Variants in BDNF observed in about 807,000 individuals in gnomAD.
The protein encoded by BDNF is neurotrophic factor BDNF precursor form.
BDNF carries 1 observed loss-of-function variant against 19.5 expected under a neutral mutation model. The ratio of observed to expected loss-of-function variants is 0.05; its 90% confidence interval spans 0.02 to 0.24. BDNF has a LOEUF of 0.24. BDNF is among the 10% of genes least tolerant of loss of function. The pLI is 1.00. For missense variants in BDNF, 195 were observed against 317.6 expected (o/e 0.61, Z 2.93); for synonymous variants, 100 against 121.6 (o/e 0.82, Z 1.17).
intron 1 of BDNF, among the ~76,000 whole-genome samples, chr11:27,692,469 G>T (rs559693172): frequency 6.6e-6 from 1 of 152,080 alleles, no homozygotes; most frequent in African/African-American, 2.4e-5. Flanking sequence ...AGCCTCCCAA[G>T]TAGCTGGGAC....
intron 1 of BDNF, among the ~76,000 whole-genome samples, chr11:27,679,207 C>T (rs147506865): frequency 7.9e-5 from 12 of 152,248 alleles, no homozygotes; most frequent in Middle Eastern, 3.4e-3. Flanking sequence ...TGTTGAGAAG[C>T]TCTGAAGCCA....
chr11:27,657,664 TA>T lies in BDNF; in HGVS notation c.*156del. On this transcript the variant is annotated 3_prime_UTR_variant, in exon 2 of 2. Transcript: ENST00000356660. This position sits in a 1 kb window ranked among gnomAD's most constrained non-coding sequence, Gnocchi z 5.0. Reference sequence around the variant, plus strand: ...CCCTTCTGGTCATGGACATGTCCAATAAATAGATTGTAGAACCACTGTACTG... The same window carrying T: ...CCCTTCTGGTCATGGACATGTCCAATAATAGATTGTAGAACCACTGTACTG... 2 of 1,443,336 alleles carry T rather than the reference TA, an allele frequency of 1.4e-6. No individual in the cohort carries two copies. Among genetic ancestry groups the T allele is most frequent in the South Asian group, 3.0e-5 (2 of 66,332 alleles). 89.4% of individuals were successfully genotyped at this position (1,443,336 alleles called of 1,614,324 possible).
upstream of BDNF, chr11:27,701,220 C>A: frequency 8.4e-7 from 1 of 1,191,412 alleles, no homozygotes; most frequent in Non-Finnish European, 1.1e-6. Context: ...CAGGCAATGA[C>A]AGACCTCGCT....
chr11:27,663,019 A>G (rs1352046183), intron 1 of BDNF, among the ~76,000 whole-genome samples: 5 of 152,214 alleles, frequency 3.3e-5, no homozygotes, highest in Non-Finnish European at 7.3e-5. Flanking sequence ...TAACAGATCA[A>G]TAAGAGACTT....
chr11:27,697,175 A>AGC (rs1351057561), intron 1 of BDNF, among the ~76,000 whole-genome samples: 1 of 151,020 alleles, frequency 6.6e-6, no homozygotes, highest in Non-Finnish European at 1.5e-5. Flanking sequence ...AGAGAGAGAG[A>AGC]GAGAGAGAGA....
intron 1 of BDNF, chr11:27,719,588 G>C: frequency 1.0e-6 from 1 of 985,118 alleles, no homozygotes; most frequent in Non-Finnish European, 1.2e-6. Flanking sequence ...GAGAAAGCGG[G>C]AACCCTCTAA....
intron 1 of BDNF, among the ~76,000 whole-genome samples, chr11:27,678,721 A>T (rs1222615169): frequency 6.6e-6 from 1 of 152,184 alleles, no homozygotes; most frequent in East Asian, 1.9e-4. Flanking sequence ...GCAAACTTCA[A>T]ATACTTTTGA....
rs201244401 is a variant in BDNF, at chr11:27,699,361, T to C, written c.-22+803A>G. Reference sequence around the variant, plus strand: ...GAGCCCCCAATCCTCAGCTATTTCTTTCCAGGAGTAACTCACTCACCCATT... The same window carrying C: ...GAGCCCCCAATCCTCAGCTATTTCTCTCCAGGAGTAACTCACTCACCCATT... On this transcript the variant is annotated intron_variant, in intron 1 of 1. Transcript: ENST00000356660. 6,736 of 1,613,902 alleles carry C rather than the reference T, an allele frequency of 4.2e-3. 16 individuals are homozygous for C. Among genetic ancestry groups the C allele is most frequent in the Non-Finnish European group, 5.3e-3 (6,279 of 1,179,888 alleles).
upstream of BDNF, chr11:27,700,629 A>C: frequency 1.0e-6 from 1 of 973,748 alleles, no homozygotes; most frequent in Non-Finnish European, 1.2e-6. Flanking sequence ...CGCGCGGGGA[A>C]CCGAGGGGCG....
At position 27,687,915 on chromosome 11, in the gene BDNF, C is replaced by T. The variant is rs946993797; in HGVS notation, c.-22+12249G>A. On this transcript the variant is annotated intron_variant, in intron 1 of 1. Coordinates refer to ENST00000356660, the MANE Select transcript of BDNF (RefSeq NM_001709.5). ...GACCTGCTTAAGAAGGCAGTCTGTCCCTTAGCAGAGCTCAAGTGCTGTGCT... is the reference window on the plus strand; with the variant it reads ...GACCTGCTTAAGAAGGCAGTCTGTCTCTTAGCAGAGCTCAAGTGCTGTGCT... 3.3e-5 allele frequency among the ~76,000 whole-genome samples: 5 copies of T among 152,166 alleles called. No individual in the cohort carries two copies. In the South Asian group the frequency reaches 1.0e-3, roughly 32 times the overall value.
upstream of BDNF, chr11:27,701,355 G>T (rs1859885594): frequency 9.2e-7 from 1 of 1,082,304 alleles, no homozygotes; most frequent in Non-Finnish European, 1.1e-6. Flanking sequence ...GAAAGACTTC[G>T]GCCCCAAAAC....
intron 1 of BDNF, among the ~76,000 whole-genome samples, chr11:27,661,764 C>T (rs12273539): frequency 0.11 from 17,302 of 152,156 alleles, 2,483 homozygotes; most frequent in African/African-American, 0.3. Context: ...ACTTCTGCTC[C>T]GATCAGGACA....
intron 1 of BDNF, chr11:27,699,747 AC>A (rs2134081047): frequency 7.8e-7 from 1 of 1,284,726 alleles, no homozygotes; most frequent in South Asian, 1.8e-5. Context: ...GGGACCACCC[AC>A]CCCCTGGAAG....
chr11:27,670,796 T>A (rs912461317), intron 1 of BDNF, among the ~76,000 whole-genome samples: 5 of 152,192 alleles, frequency 3.3e-5, no homozygotes, highest in Non-Finnish European at 7.4e-5. Flanking sequence ...GGAACACTTT[T>A]ACACTGTTGA....
chr11:27,666,064 C>T (rs948892284), intron 1 of BDNF, among the ~76,000 whole-genome samples: 3 of 152,296 alleles, frequency 2.0e-5, no homozygotes, highest in South Asian at 2.1e-4. Flanking sequence ...CCCTCTGAGA[C>T]GAAGCTTCCA....
chr11:27,704,550 A>C (rs900632469), upstream of BDNF, among the ~76,000 whole-genome samples: 9 of 152,158 alleles, frequency 5.9e-5, no homozygotes, highest in Non-Finnish European at 5.9e-5. Context: ...TTGCAAGAAA[A>C]AAAAAATAAG....
intron 1 of BDNF, among the ~76,000 whole-genome samples, chr11:27,666,337 G>A (rs946368537): frequency 6.6e-6 from 1 of 152,184 alleles, no homozygotes; most frequent in South Asian, 2.1e-4. Context: ...CAGAGAAGCT[G>A]AAAATTCTAA....
chr11:27,664,190 CAT>C (rs915500145), intron 1 of BDNF, among the ~76,000 whole-genome samples: 2 of 152,222 alleles, frequency 1.3e-5, no homozygotes, highest in Admixed American at 6.5e-5. Flanking sequence ...TGGTTCCTAA[CAT>C]ATATGATACA....
chr11:27,718,280 C>T (rs1249260820), intron 1 of BDNF, among the ~76,000 whole-genome samples: 1 of 151,754 alleles, frequency 6.6e-6, no homozygotes, highest in Non-Finnish European at 1.5e-5. Context: ...TAATTCCGGC[C>T]GGTTGCCGCC....
Sources: gnomAD v4.1 joint callset for allele counts (sites outside exome capture counted in the v4.1 genomes callset) on GRCh38, gnomAD v4.1.1 for gene constraint, Gnocchi (gnomAD v3.1) non-coding constraint, MANE v1.5 for transcripts, NCBI Gene and HGNC (gene_info 2026-07-23, HGNC 2026-07-21) for gene names.